ST7: variants seen among roughly 807,000 people sequenced by gnomAD.
ST7 encodes the protein suppressor of tumorigenicity 7 protein.
Under a neutral mutation model 78.7 loss-of-function variants are expected in ST7, and 28 were observed. The ratio of observed to expected loss-of-function variants is 0.36; its 90% CI spans 0.26 to 0.49. ST7 has a LOEUF of 0.49. Ranked by LOEUF, ST7 falls within the 20% of genes least tolerant of loss-of-function variation. The pLI is 0.99. For synonymous variants in ST7, 247 were observed against 249.6 expected (o/e 0.99, Z 0.10); for missense variants, 418 against 696.0 (o/e 0.60, Z 4.49).
At chr7:117,137,466 T>C (rs534173015) in intron 8 of ST7, 1 of 152,274 alleles carries the variant, frequency 6.6e-6, no homozygotes, top group African/African-American at 2.4e-5. Context: ...TAACCTATAA[T>C]ACAACATTAA....
At chr7:117,007,279 T>A (rs2115877762) in intron 1 of ST7, among the ~76,000 whole-genome samples, 1 of 152,272 alleles carries the variant, frequency 6.6e-6, no homozygotes, top group South Asian at 2.1e-4. Flanking sequence ...ATGAAACAGC[T>A]TTATTGCTTA....
intron 15 of ST7, chr7:117,223,893 T>C: frequency 1.1e-6 from 1 of 943,320 alleles, no homozygotes; most frequent in African/African-American, 1.8e-5. Context: ...CAATAAATGA[T>C]TATTAAATAA....
chr7:117,047,999 A>G (rs1797578683), intron 1 of ST7, among the ~76,000 whole-genome samples: 1 of 152,222 alleles, frequency 6.6e-6, no homozygotes, highest in East Asian at 1.9e-4. Flanking sequence ...CCCTACTGAT[A>G]ACCTAAATGG....
At position 117,167,832 on chromosome 7, in the gene ST7, A is replaced by T. The variant is rs1175667442; in HGVS notation, c.964-3030A>T. On this transcript the variant is annotated intron_variant, in intron 9 of 15. Transcript: ENST00000323984. ...GAAAAAGCCATCAGACTTTCAAATG[A>T]TGCAGAGGTCAAACAAGAAAAGGGC... is the stretch of plus-strand genomic sequence containing the variant. Among the ~76,000 whole-genome samples the T allele has an allele frequency of 2.0e-5, 3 of 152,182 alleles. No homozygotes were observed. In the East Asian group the frequency reaches 5.8e-4, roughly 29 times the overall value.
At chr7:117,066,056 T>A (rs1798615290) in intron 1 of ST7, among the ~76,000 whole-genome samples, 1 of 152,230 alleles carries the variant, frequency 6.6e-6, no homozygotes, top group Admixed American at 6.5e-5. Flanking sequence ...AAATGTCATT[T>A]CCTGAAGAAA....
chr7:116,985,316 G>A (rs944573306), intron 1 of ST7, among the ~76,000 whole-genome samples: 1 of 152,172 alleles, frequency 6.6e-6, no homozygotes, highest in Non-Finnish European at 1.5e-5. Context: ...AAATGTGTGC[G>A]AAATTGGACC....
intron 10 of ST7, among the ~76,000 whole-genome samples, chr7:117,178,945 G>A (rs1290298074): frequency 2.0e-5 from 3 of 152,024 alleles, no homozygotes; most frequent in African/African-American, 7.2e-5. Flanking sequence ...TTCCAATAAC[G>A]GGTCCTTAAG....
chr7:117,002,480 G>A (rs1185444858), intron 1 of ST7, among the ~76,000 whole-genome samples: 1 of 151,888 alleles, frequency 6.6e-6, no homozygotes, highest in East Asian at 1.9e-4. Flanking sequence ...GGATTTCAAG[G>A]TTCTAATACA....
At chr7:117,089,866 G>A (rs962446262) in intron 1 of ST7, among the ~76,000 whole-genome samples, 20 of 151,986 alleles carry the variant, frequency 1.3e-4, no homozygotes, top group Admixed American at 5.2e-4. Context: ...CACCGCACCC[G>A]GCCTCAACAG....
intron 1 of ST7, among the ~76,000 whole-genome samples, chr7:117,057,156 C>T (rs1036033854): frequency 2.6e-5 from 4 of 151,854 alleles, no homozygotes; most frequent in Non-Finnish European, 5.9e-5. Flanking sequence ...TAAATTGTGG[C>T]CAATTTAAAG....
chr7:117,007,698 A>G (rs954392136), intron 1 of ST7, among the ~76,000 whole-genome samples: 2 of 152,208 alleles, frequency 1.3e-5, no homozygotes, highest in Admixed American at 6.5e-5. Context: ...AAAGCTTCAC[A>G]GGACAGGCTG....
intron 12 of ST7, among the ~76,000 whole-genome samples, chr7:117,192,077 A>G (rs1452932260): frequency 6.6e-6 from 1 of 152,214 alleles, no homozygotes. Context: ...CCTAATGGGT[A>G]ATGACCAACA....
intron 1 of ST7, 79 bp downstream of exon 1, chr7:116,953,770 G>A (rs1792272657): frequency 9.3e-7 from 1 of 1,075,410 alleles, no homozygotes; most frequent in Non-Finnish European, 1.2e-6. Context: ...CGGGGCCGCG[G>A]CCAGGCGCGC....
At chr7:117,060,127 A>G (rs1228707719) in intron 1 of ST7, among the ~76,000 whole-genome samples, 1 of 152,222 alleles carries the variant, frequency 6.6e-6, no homozygotes, top group Non-Finnish European at 1.5e-5. Flanking sequence ...TTTGATCAGC[A>G]TAACCAGTTG....
At chr7:116,987,653 T>A (rs1466508730) in intron 1 of ST7, among the ~76,000 whole-genome samples, 1 of 152,216 alleles carries the variant, frequency 6.6e-6, no homozygotes, top group African/African-American at 2.4e-5. Context: ...AGAAACCTAT[T>A]ATCAGGGGCT....
chr7:117,125,826 G>A (rs747656092), intron 3 of ST7, among the ~76,000 whole-genome samples: 12 of 151,966 alleles, frequency 7.9e-5, no homozygotes, highest in Non-Finnish European at 1.8e-4. Flanking sequence ...TTTCTTTAGT[G>A]AAAAATCTAA....
At chr7:117,117,868 G>T (rs1803014384) in intron 2 of ST7, 1 of 152,156 alleles carries the variant, frequency 6.6e-6, no homozygotes, top group Non-Finnish European at 1.5e-5. Flanking sequence ...TCCACTTACA[G>T]TTGAAGAAAC....
chr7:117,222,118 T>C, intron 15 of ST7, 56 bp downstream of exon 15: 1 of 1,546,364 alleles, frequency 6.5e-7, no homozygotes, highest in Non-Finnish European at 8.7e-7. Context: ...GCCAAGGGCA[T>C]AAAAGCAGCG....
chr7:117,220,055 C>G (rs1178660474), intron 14 of ST7, among the ~76,000 whole-genome samples: 1 of 152,188 alleles, frequency 6.6e-6, no homozygotes. Context: ...TGCCCTTTCA[C>G]CAGCCCCAGT....
Sources: allele counts gnomAD v4.1 joint callset (sites outside exome capture counted in the v4.1 genomes callset), GRCh38; gene constraint gnomAD v4.1.1; transcripts MANE v1.5; gene names NCBI Gene and HGNC (gene_info 2026-07-23, HGNC 2026-07-21).